The following SNX13 variants were observed in gnomAD, a reference collection of about 807,000 sequenced individuals.
SNX13 encodes the protein sorting nexin-13.
A neutral mutation model predicts 133.6 loss-of-function variants in SNX13; 45 were observed. The observed-to-expected ratio is 0.34, with a 90% CI of 0.27 to 0.43. The LOEUF is 0.43. SNX13 is among the 20% of genes least tolerant of loss of function. SNX13 has a pLI of 1.00. For missense variants in SNX13, 1,032 were observed against 1,145.1 expected, an observed-to-expected ratio of 0.90 and a Z score of 1.43; for synonymous variants, 414 against 373.9, an observed-to-expected ratio of 1.11 and a Z score of -1.24.
At chr7:17,918,271 T>C (rs752200376) in intron 1 of SNX13, among the ~76,000 whole-genome samples, 3 of 152,026 alleles carry the variant, frequency 2.0e-5, no homozygotes, top group African/African-American at 4.8e-5. Flanking sequence ...ATACCAAAAA[T>C]TGACAACTGA....
rs542655196 is a variant in SNX13, at chr7:17,791,143, G to C, written c.*2902C>G. On this transcript the variant is annotated 3_prime_UTR_variant, in exon 26 of 26. Transcript: ENST00000428135. Reference sequence around the variant, plus strand: ...TGTAAGTTGTTGGATTAAGAAGACAGTTTAAGCTACATCTCAAAAAATTAA... The same window carrying C: ...TGTAAGTTGTTGGATTAAGAAGACACTTTAAGCTACATCTCAAAAAATTAA... The C allele has an allele frequency of 1.3e-5, 2 of 152,068 alleles. No individual in the cohort carries two copies. The highest frequency in any genetic ancestry group is 1.3e-4 in the Admixed American group (2 of 15,272). 9.4% of individuals were successfully genotyped at this position (152,068 alleles called of 1,614,324 possible). A position where few individuals can be genotyped will look rare whatever the true frequency, so the allele number is the denominator to read the frequency against.
In SNX13 at chr7:17,814,838, C is replaced by T. The variant is rs1024231508; in HGVS notation, c.2060G>A (p.Arg687His). ...AYSKGKGDFA[R>H]KMDTFVNPLR... Reference sequence around the variant, plus strand: ...TGCAGTGGTCTGCTTACTTACCTTGCGAGCAAAATCCCCTTTTCCTTTACT... The same window carrying T: ...TGCAGTGGTCTGCTTACTTACCTTGTGAGCAAAATCCCCTTTTCCTTTACT... The change falls in exon 20 of 26, where the codon CGC becomes CAC. Residue 687 changes from arginine (R) to histidine (H), a missense_variant. By Grantham distance (29) the Arg-to-His change is conservative (BLOSUM62 0). Transcript: ENST00000428135. 7 of 1,534,558 alleles carry T rather than the reference C, an allele frequency of 4.6e-6. No individual in the cohort carries two copies. The highest frequency in any genetic ancestry group is 6.1e-6 in the Non-Finnish European group (7 of 1,146,050).
At chr7:17,878,409 C>G (rs1794967237) in intron 5 of SNX13, among the ~76,000 whole-genome samples, 1 of 152,098 alleles carries the variant, frequency 6.6e-6, no homozygotes, top group Admixed American at 6.6e-5. Flanking sequence ...GCCCCTGAAG[C>G]TTATATATCT....
intron 1 of SNX13, among the ~76,000 whole-genome samples, chr7:17,932,559 C>CTAAG (rs1801511495): frequency 6.6e-6 from 1 of 152,144 alleles, no homozygotes; most frequent in Admixed American, 6.5e-5. Context: ...GTGAGGCCTA[C>CTAAG]TAAGTATCAA....
At chr7:17,886,436 C>T (rs1360746373) in intron 5 of SNX13, among the ~76,000 whole-genome samples, 1 of 151,876 alleles carries the variant, frequency 6.6e-6, no homozygotes, top group Non-Finnish European at 1.5e-5. Context: ...GGTGTAGTGG[C>T]GTGCGCTTAT....
At chr7:17,907,107 T>C (rs563080914) in intron 1 of SNX13, 2 of 152,194 alleles carry the variant, frequency 1.3e-5, no homozygotes, top group South Asian at 2.1e-4. Context: ...AAATCCTCCC[T>C]AAAAACCATT....
Position 17,850,343 on chromosome 7 carries a change from T to G in SNX13, c.1065+4A>C. On this transcript the variant is annotated splice_donor_region_variant and intron_variant, in intron 11 of 25. Transcript: ENST00000428135. ...AAACGTTAATTCAAAACTACTTTAC[T>G]TACTTTGCCTGACTGCAATCGCTGT... 6.3e-7 allele frequency: 1 copy of G among 1,578,708 alleles called. No homozygotes were observed. Among genetic ancestry groups the G allele is most frequent in the Non-Finnish European group, 8.6e-7 (1 of 1,161,028 alleles).
chr7:17,841,137 G>A (rs1207474524), intron 12 of SNX13, among the ~76,000 whole-genome samples: 3 of 152,038 alleles, frequency 2.0e-5, no homozygotes, highest in Admixed American at 1.3e-4. Context: ...TCTGATCAAA[G>A]AGGTGCAGAC....
At chr7:17,893,669 A>AG (rs1796883351) in intron 2 of SNX13, among the ~76,000 whole-genome samples, 1 of 152,128 alleles carries the variant, frequency 6.6e-6, no homozygotes. Flanking sequence ...AATCCAATAT[A>AG]TTTCCTAAAG....
chr7:17,897,296 G>A (rs372576041), intron 2 of SNX13, 38 bp downstream of exon 2: 48 of 1,153,102 alleles, frequency 4.2e-5, no homozygotes, highest in Non-Finnish European at 5.4e-5. Flanking sequence ...AACAAGATAT[G>A]ACACATGAAT....
intron 1 of SNX13, among the ~76,000 whole-genome samples, chr7:17,903,458 C>T (rs1377622840): frequency 6.6e-6 from 1 of 152,166 alleles, no homozygotes; most frequent in East Asian, 1.9e-4. Flanking sequence ...TGCTCAAAAA[C>T]TACAGACTTA....
intron 1 of SNX13, among the ~76,000 whole-genome samples, chr7:17,937,133 T>A (rs1402290830): frequency 6.6e-6 from 1 of 151,194 alleles, no homozygotes; most frequent in Admixed American, 6.6e-5. Flanking sequence ...AATAATTCCA[T>A]TGTATTTAAG....
At chr7:17,893,498 TACCA>T in intron 2 of SNX13, 64 bp from the exon 3 acceptor site, 3 of 1,009,360 alleles carry the variant, frequency 3.0e-6, no homozygotes, top group Non-Finnish European at 4.4e-6. Context: ...ATGAATCTAC[TACCA>T]AGTATATTTT....
intron 20 of SNX13, among the ~76,000 whole-genome samples, chr7:17,808,938 C>T (rs1416903461): frequency 6.6e-6 from 1 of 152,154 alleles, no homozygotes; most frequent in Admixed American, 6.5e-5. Context: ...GCCTGCCTTA[C>T]AAGAGCTCCT....
At chr7:17,872,591 C>G (rs1794244776) in intron 8 of SNX13, among the ~76,000 whole-genome samples, 1 of 152,146 alleles carries the variant, frequency 6.6e-6, no homozygotes, top group Non-Finnish European at 1.5e-5. Context: ...AAACCAAGCA[C>G]TTTCTATTAC....
Position 17,794,013 on chromosome 7 carries a change from CAA to C in SNX13, c.*30_*31del. 2 of 1,604,460 alleles carry C rather than the reference CAA, an allele frequency of 1.2e-6. No individual in the cohort carries two copies. The highest frequency in any genetic ancestry group is 1.7e-6 in the Non-Finnish European group (2 of 1,174,746). ...ATCTGTCCATACCATTAGTCCTGGACAAAATGAACACCAGCTTCATAGAGTGG... is the reference window on the plus strand; with the variant it reads ...ATCTGTCCATACCATTAGTCCTGGACAATGAACACCAGCTTCATAGAGTGG... On this transcript the variant is annotated 3_prime_UTR_variant, in exon 26 of 26. Transcript: ENST00000428135.
intron 14 of SNX13, among the ~76,000 whole-genome samples, 194 bp from the exon 15 acceptor site, chr7:17,834,378 C>G (rs945536035): frequency 1.3e-5 from 2 of 151,712 alleles, no homozygotes; most frequent in African/African-American, 4.8e-5. Flanking sequence ...TGAAAAAAAT[C>G]CTACTGCAAC....
chr7:17,869,031 A>T (rs1214716693), intron 8 of SNX13, among the ~76,000 whole-genome samples: 1 of 152,106 alleles, frequency 6.6e-6, no homozygotes, highest in Non-Finnish European at 1.5e-5. Flanking sequence ...AGATATGTTA[A>T]TCGATTCAAC....
chr7:17,805,250 T>TGTGTGTGCGCGCGC, intron 20 of SNX13, among the ~76,000 whole-genome samples: 42 of 95,582 alleles, frequency 4.4e-4, no homozygotes, highest in Admixed American at 1.1e-3. Context: ...TGTGTGTGTG[T>TGTGTGTGCGCGCGC]GCGTGCGCGC....
Sources: allele counts gnomAD v4.1 joint callset (sites outside exome capture counted in the v4.1 genomes callset), GRCh38; gene constraint gnomAD v4.1.1; transcripts MANE v1.5; gene names NCBI Gene and HGNC (gene_info 2026-07-23, HGNC 2026-07-21).